CUBN: variants seen among roughly 807,000 people sequenced by gnomAD.
CUBN encodes the protein 460 kDa receptor.
Under a neutral mutation model 405.3 loss-of-function variants are expected in CUBN, and 282 were observed. That is an observed-to-expected ratio of 0.70 (90% CI 0.63 to 0.77). The LOEUF is 0.77. Ranked by LOEUF, CUBN falls within the 30% of genes least tolerant of loss-of-function variation. The pLI, the probability that CUBN is intolerant of heterozygous loss-of-function variation, is 0.00. For missense variants in CUBN, 4,514 were observed against 4,475.2 expected (o/e 1.01, Z -0.25); for synonymous variants, 1,684 against 1,617.0 (o/e 1.04, Z -0.99).
intron 17 of CUBN, among the ~76,000 whole-genome samples, chr10:17,082,278 C>T (rs1007537626): frequency 1.3e-5 from 2 of 152,150 alleles, no homozygotes; most frequent in Non-Finnish European, 2.9e-5. Flanking sequence ...CAAGGTTATA[C>T]GGTCATCTGA....
intron 27 of CUBN, among the ~76,000 whole-genome samples, chr10:17,022,975 AG>A (rs1255048378): frequency 6.6e-6 from 1 of 152,356 alleles, no homozygotes; most frequent in East Asian, 1.9e-4. Context: ...ACGGAATACT[AG>A]GTCGCAGCAT....
At chr10:16,978,385 T>C (rs1317667066) in intron 31 of CUBN, among the ~76,000 whole-genome samples, 4 of 152,232 alleles carry the variant, frequency 2.6e-5, no homozygotes, top group African/African-American at 9.6e-5. Flanking sequence ...GTAAATGTCA[T>C]CCAAAATTTC....
intron 13 of CUBN, among the ~76,000 whole-genome samples, chr10:17,102,125 A>G (rs975436902): frequency 2.6e-5 from 4 of 152,158 alleles, no homozygotes; most frequent in African/African-American, 4.8e-5. Flanking sequence ...TGGAGAAAGC[A>G]TGGACTTTGG....
At chr10:16,831,832 T>TTGTGTGTGTGTTTGTGTA (rs1385130320) in intron 64 of CUBN, among the ~76,000 whole-genome samples, 1 of 146,782 alleles carries the variant, frequency 6.8e-6, no homozygotes, top group African/African-American at 2.5e-5. Context: ...ACCTTTCTCA[T>TTGTGTGTGTGTTTGTGTA]TGTGTGTGTG....
intron 59 of CUBN, among the ~76,000 whole-genome samples, chr10:16,852,207 T>C (rs941784762): frequency 2.6e-3 from 65 of 24,942 alleles, no homozygotes; most frequent in Admixed American, 2.8e-3. Context: ...ATCTTTCCCT[T>C]CCTCACTCTA....
At chr10:17,122,307 G>A (rs1284211109) in intron 6 of CUBN, 1 of 237,332 alleles carries the variant, frequency 4.2e-6, no homozygotes, top group East Asian at 1.1e-4. Context: ...TTGAACCTCA[G>A]TTTAATCTTT....
chr10:16,928,917 C>T (rs1457171103), intron 40 of CUBN, among the ~76,000 whole-genome samples: 1 of 151,650 alleles, frequency 6.6e-6, no homozygotes, highest in African/African-American at 2.4e-5. Flanking sequence ...GATTGGGAAG[C>T]GATGGAGACC....
chr10:16,942,882 G>GGGAA (rs1842692313), intron 36 of CUBN, among the ~76,000 whole-genome samples: 2 of 123,360 alleles, frequency 1.6e-5, no homozygotes, highest in African/African-American at 7.6e-5. Context: ...AGGGAAGGGA[G>GGGAA]GGGAACGGAA....
chr10:17,075,006 G>C (rs1835822783), intron 17 of CUBN, among the ~76,000 whole-genome samples: 1 of 149,198 alleles, frequency 6.7e-6, no homozygotes, highest in African/African-American at 2.5e-5. Context: ...GCGGAGACTT[G>C]AAAGCTGAGT....
chr10:17,028,314 G>A (rs941868030), intron 27 of CUBN, among the ~76,000 whole-genome samples: 1 of 151,768 alleles, frequency 6.6e-6, no homozygotes, highest in African/African-American at 2.4e-5. Context: ...GAACAGAGAA[G>A]AACCTGGTTC....
At chr10:16,949,596 T>C (rs1313989343) in intron 34 of CUBN, among the ~76,000 whole-genome samples, 2 of 151,602 alleles carry the variant, frequency 1.3e-5, no homozygotes, top group African/African-American at 2.4e-5. Context: ...AATTATCTAA[T>C]TAAGTGCTTT....
rs1482565985 is a variant in CUBN, at chr10:17,100,106, T to A, written c.1664A>T (p.His555Leu). 3.7e-6 allele frequency: 6 copies of A among 1,613,812 alleles called. No homozygotes were observed. Among genetic ancestry groups the A allele is most frequent in the Non-Finnish European group, 5.1e-6 (6 of 1,179,854 alleles). Reference sequence around the variant, plus strand: ...AGCATTGTCACTGCTGAGGAGTTCATGAGGGAGGCTGGAGCCACAAAATCT... The same window carrying A: ...AGCATTGTCACTGCTGAGGAGTTCAAGAGGGAGGCTGGAGCCACAAAATCT... ...LGRFCGSSLP[H>L]ELLSSDNALY... Residue 555 changes from histidine (H) to leucine (L), a missense_variant, in exon 14 of 67, where the codon CAT becomes CTT. Coordinates refer to ENST00000377833, the MANE Select transcript of CUBN (RefSeq NM_001081.4).
At chr10:17,129,623 A>C in intron 1 of CUBN, 21 bp downstream of exon 1, 1 of 1,614,130 alleles carries the variant, frequency 6.2e-7, no homozygotes, top group East Asian at 2.2e-5. Flanking sequence ...CTGAGCAGGA[A>C]TGACCCATGT....
intron 6 of CUBN, among the ~76,000 whole-genome samples, chr10:17,116,142 T>C (rs566462910): frequency 2.6e-5 from 4 of 152,352 alleles, no homozygotes; most frequent in South Asian, 2.1e-4. Context: ...AGTTATATAA[T>C]ATAATACAGT....
chr10:16,943,826 C>G (rs892904729), intron 36 of CUBN, among the ~76,000 whole-genome samples: 1 of 152,166 alleles, frequency 6.6e-6, no homozygotes, highest in African/African-American at 2.4e-5. Flanking sequence ...AAGTGAAGGT[C>G]TTTTCTAAGT....
At chr10:17,097,671 T>C (rs1460640720) in intron 14 of CUBN, among the ~76,000 whole-genome samples, 1 of 152,130 alleles carries the variant, frequency 6.6e-6, no homozygotes, top group African/African-American at 2.4e-5. Flanking sequence ...TAACTTGCCA[T>C]GAACAAATGG....
At chr10:17,023,465 C>T (rs987566438) in intron 27 of CUBN, 13 of 315,412 alleles carry the variant, frequency 4.1e-5, no homozygotes, top group African/African-American at 2.3e-4. Context: ...AGATGGGTAA[C>T]GTCACCTCTA....
intron 52 of CUBN, 151 bp downstream of exon 52, chr10:16,901,187 G>C: frequency 9.0e-7 from 1 of 1,112,178 alleles, no homozygotes; most frequent in Non-Finnish European, 1.4e-6. Flanking sequence ...ATGTGCTCTA[G>C]TGAGAAAATG....
rs564421692 is a variant in CUBN, at chr10:16,913,842, G to T, written c.7502C>A (p.Thr2501Lys). The T allele has an allele frequency of 1.2e-6, 2 of 1,613,974 alleles. No individual in the cohort carries two copies. The highest frequency in any genetic ancestry group is 1.7e-6 in the Non-Finnish European group (2 of 1,180,032). ...ATGCTCATTGTTGCAGGACGGATGC[G>T]TGGCCAGCCTCAGGTTGTTAAACAT... ...TLMFNNLRLA[T>K]HPSCNNEHVI... The change falls in exon 48 of 67, where the codon ACG (threonine) becomes AAG (lysine). Residue 2501 changes from threonine to lysine, a missense_variant. Coordinates refer to ENST00000377833, the MANE Select transcript of CUBN (RefSeq NM_001081.4).
Sources: gnomAD v4.1 joint callset for allele counts (sites outside exome capture counted in the v4.1 genomes callset) on GRCh38, gnomAD v4.1.1 for gene constraint, MANE v1.5 for transcripts, NCBI Gene and HGNC (gene_info 2026-07-23, HGNC 2026-07-21) for gene names.